BCAS3: variants seen among roughly 807,000 people sequenced by gnomAD.
BCAS3 encodes BCAS4/BCAS3 fusion.
BCAS3 carries 53 observed loss-of-function variants against 116.1 expected under a neutral mutation model. The ratio of observed to expected loss-of-function variants is 0.46; its 90% CI spans 0.37 to 0.57. The LOEUF is 0.57. Ranked by LOEUF, BCAS3 falls within the 20% of genes least tolerant of loss-of-function variation. BCAS3 has a pLI of 0.00. For missense variants in BCAS3, 917 were observed against 1,165.4 expected, an observed-to-expected ratio of 0.79 and a Z score of 3.10; for synonymous variants, 391 against 408.2, an observed-to-expected ratio of 0.96 and a Z score of 0.51.
chr17:60,680,417 C>G (rs2032872103), intron 2 of BCAS3, among the ~76,000 whole-genome samples: 1 of 152,038 alleles, frequency 6.6e-6, no homozygotes, highest in African/African-American at 2.4e-5. Context: ...TTTCCTGACC[C>G]TCTCCCCGCT....
chr17:60,974,162 T>A (rs2062151413), intron 14 of BCAS3, among the ~76,000 whole-genome samples: 1 of 152,184 alleles, frequency 6.6e-6, no homozygotes, highest in Admixed American at 6.5e-5. Flanking sequence ...TGCTTCAGGT[T>A]TTTTTAGGAT....
chr17:61,154,198 A>C (rs1312303219), intron 22 of BCAS3, among the ~76,000 whole-genome samples: 1 of 152,092 alleles, frequency 6.6e-6, no homozygotes, highest in East Asian at 1.9e-4. Flanking sequence ...GGAAGGAAGG[A>C]AGGGAGGGAA....
In BCAS3 at chr17:61,095,469, G is replaced by A. The variant is rs1288939510; in HGVS notation, c.2425+10905G>A. Among the ~76,000 whole-genome samples, 2 of 151,754 alleles carry A rather than the reference G, an allele frequency of 1.3e-5. No individual in the cohort carries two copies. Among genetic ancestry groups the A allele is most frequent in the Non-Finnish European group, 2.9e-5 (2 of 67,886 alleles). Reference sequence around the variant, plus strand: ...GGGTCCTGGGTTTTTTGTTGTTGTTGTCGTTTGTTTGTTTTTTTGAGACAA... The same window carrying A: ...GGGTCCTGGGTTTTTTGTTGTTGTTATCGTTTGTTTGTTTTTTTGAGACAA... On this transcript the variant is annotated intron_variant, in intron 22 of 23. Transcript: ENST00000407086. This position sits in a 1 kb window ranked among gnomAD's most constrained non-coding sequence, Gnocchi z 4.7.
rs1180944141 is a variant in BCAS3, at chr17:61,141,998, T to G, written c.2425+57434T>G. ...TAAGATTTATTTAAATGGAGTAGTT[T>G]TACTCTTATTTCCACTCTCATTTTC... On this transcript the variant is annotated intron_variant, in intron 22 of 23. Transcript: ENST00000407086. The surrounding 1 kb of genome is among the most constrained non-coding windows in gnomAD (Gnocchi z 4.3). 5.3e-5 allele frequency among the ~76,000 whole-genome samples: 8 copies of G among 152,132 alleles called. No homozygotes were observed. Among genetic ancestry groups the G allele is most frequent in the Non-Finnish European group, 1.0e-4 (7 of 68,034 alleles).
intron 22 of BCAS3, among the ~76,000 whole-genome samples, chr17:61,173,626 C>T (rs2078981981): frequency 6.6e-6 from 1 of 152,090 alleles, no homozygotes; most frequent in South Asian, 2.1e-4. Context: ...TATAATATGG[C>T]CCAGTGCTTT....
At chr17:60,694,212 T>C (rs1020495122) in intron 4 of BCAS3, among the ~76,000 whole-genome samples, 3 of 149,070 alleles carry the variant, frequency 2.0e-5, no homozygotes, top group South Asian at 2.1e-4. Flanking sequence ...AAAAAAATTA[T>C]TGATTATTGG....
rs1484292505 is a variant in BCAS3, at chr17:61,134,630, T to A, written c.2425+50066T>A. 6.6e-6 allele frequency among the ~76,000 whole-genome samples: 1 copy of A among 152,244 alleles called. No homozygotes were observed. The highest frequency in any genetic ancestry group is 2.4e-5 in the African/African-American group (1 of 41,470). On this transcript the variant is annotated intron_variant, in intron 22 of 23. Transcript: ENST00000407086. The surrounding 1 kb of genome is among the most constrained non-coding windows in gnomAD (Gnocchi z 4.6). ...ATTTAGAGACAAACTGAAATGGTGA[T>A]TGTAATGACATTTCAAGTTAATGAT...
intron 5 of BCAS3, among the ~76,000 whole-genome samples, chr17:60,743,094 C>T (rs1248045260): frequency 2.1e-5 from 3 of 139,884 alleles, no homozygotes; most frequent in Admixed American, 1.5e-4. Context: ...GCCTGGGTGA[C>T]AGAGCGAGAC....
At chr17:60,933,793 C>G (rs1309840751) in intron 13 of BCAS3, among the ~76,000 whole-genome samples, 1 of 152,196 alleles carries the variant, frequency 6.6e-6, no homozygotes, top group Admixed American at 6.5e-5. Context: ...TTATCACTAC[C>G]AGACACCTAT....
intron 7 of BCAS3, among the ~76,000 whole-genome samples, chr17:60,854,662 T>C (rs1377415526): frequency 1.3e-5 from 2 of 152,104 alleles, no homozygotes; most frequent in African/African-American, 4.8e-5. Flanking sequence ...CTCACACCAG[T>C]TAGAATGGCG....
intron 6 of BCAS3, among the ~76,000 whole-genome samples, chr17:60,765,421 A>G (rs9910906): frequency 0.19 from 28,784 of 151,998 alleles, 4,372 homozygotes; most frequent in African/African-American, 0.42. Context: ...GCTTGTCTGT[A>G]AAGGATTTTA....
chr17:61,179,874 CTTTTTTT>C lies in BCAS3; in HGVS notation c.2425+95322_2425+95328del, dbSNP rs5821309. Reference sequence around the variant, plus strand: ...TATCACTGTTTTTCTCTCTCTCTCTCTTTTTTTTTTTTTTTTTTGGCAGCCCAATTTG... The same window carrying C: ...TATCACTGTTTTTCTCTCTCTCTCTCTTTTTTTTTTTGGCAGCCCAATTTG... On this transcript the variant is annotated intron_variant, in intron 22 of 23. Transcript: ENST00000407086. 2.0e-3 allele frequency among the ~76,000 whole-genome samples: 245 copies of C among 124,498 alleles called. 3 individuals carry two copies. Among genetic ancestry groups the C allele is most frequent in the African/African-American group, 7.0e-3 (233 of 33,160 alleles). 81.7% of individuals were successfully genotyped at this position (124,498 alleles called of 152,430 possible).
At chr17:61,093,643 T>G (rs536505032) in intron 22 of BCAS3, among the ~76,000 whole-genome samples, 22 of 152,332 alleles carry the variant, frequency 1.4e-4, no homozygotes, top group African/African-American at 4.8e-4. Flanking sequence ...GTTTAGTTTC[T>G]TCCGGTTGCT....
rs1329829617 is a variant in BCAS3, at chr17:60,967,501, T to C, written c.1221+20149T>C. 6.6e-6 allele frequency among the ~76,000 whole-genome samples: 1 copy of C among 152,232 alleles called. No homozygotes were observed. Among genetic ancestry groups the C allele is most frequent in the Non-Finnish European group, 1.5e-5 (1 of 68,044 alleles). On this transcript the variant is annotated intron_variant, in intron 14 of 23. Transcript: ENST00000407086. This position sits in a 1 kb window ranked among gnomAD's most constrained non-coding sequence, Gnocchi z 4.7. ...CCTTGACCTTTGAGAGTTTCATTAT[T>C]ATACGTGTTAGAGTACTTTTATTTG... is the stretch of plus-strand genomic sequence containing the variant.
At chr17:60,878,260 T>G (rs1427113410) in intron 9 of BCAS3, among the ~76,000 whole-genome samples, 2 of 152,172 alleles carry the variant, frequency 1.3e-5, no homozygotes, top group Admixed American at 1.3e-4. Flanking sequence ...TCTGCCCGCC[T>G]TGGCCTTCTA....
At chr17:60,768,332 A>G (rs1186741599) in intron 6 of BCAS3, among the ~76,000 whole-genome samples, 1 of 152,210 alleles carries the variant, frequency 6.6e-6, no homozygotes, top group Admixed American at 6.5e-5. Context: ...TTGGAAAGGC[A>G]GACCCACCCT....
rs369968763 is a variant in BCAS3 at position 60,709,364 on chromosome 17, C to T, written c.321+39C>T. 3.7e-5 allele frequency: 44 copies of T among 1,190,458 alleles called. 1 individual carries two copies. The highest frequency in any genetic ancestry group is 1.9e-4 in the Middle Eastern group (1 of 5,238). 73.7% of individuals were successfully genotyped at this position (1,190,458 alleles called of 1,614,324 possible). ...TGGTTGAATACCTAAAACATACTTC[C>T]CAGCATGTTAGCTTATGTGAAATCT... On this transcript the variant is annotated intron_variant, in intron 5 of 23. Transcript: ENST00000407086.
chr17:60,943,527 C>T (rs1330778175), intron 13 of BCAS3, among the ~76,000 whole-genome samples: 2 of 152,070 alleles, frequency 1.3e-5, no homozygotes, highest in Admixed American at 6.5e-5. Flanking sequence ...AGACTTCATA[C>T]AATCCTAAAT....
intron 19 of BCAS3, among the ~76,000 whole-genome samples, chr17:61,059,227 C>A (rs374705262): frequency 6.6e-6 from 1 of 151,440 alleles, no homozygotes; most frequent in Non-Finnish European, 1.5e-5. Flanking sequence ...GGACTACAGG[C>A]GCCCGCCATC....
Sources: gnomAD v4.1 joint callset for allele counts (sites outside exome capture counted in the v4.1 genomes callset) on GRCh38, gnomAD v4.1.1 for gene constraint, Gnocchi (gnomAD v3.1) non-coding constraint, MANE v1.5 for transcripts, NCBI Gene and HGNC (gene_info 2026-07-23, HGNC 2026-07-21) for gene names.